PARD3B: variants seen among roughly 807,000 people sequenced by gnomAD.
PARD3B encodes partitioning defective 3 homolog B.
In PARD3B, 103 loss-of-function variants were observed where a neutral mutation model predicts 130.2. The ratio of observed to expected loss-of-function variants is 0.79; its 90% confidence interval spans 0.67 to 0.93. PARD3B has a LOEUF of 0.93. PARD3B is among the 40% of genes least tolerant of loss of function. PARD3B has a pLI of 0.00. For missense variants in PARD3B, 1,609 were observed against 1,499.2 expected (o/e 1.07, Z -1.21); for synonymous variants, 583 against 553.2 (o/e 1.05, Z -0.76).
At chr2:205,395,674 A>AAG (rs2046003271) in intron 18 of PARD3B, among the ~76,000 whole-genome samples, 1 of 152,026 alleles carries the variant, frequency 6.6e-6, no homozygotes, top group Admixed American at 6.6e-5. Context: ...CTCAATGGCC[A>AAG]CTTCTCTAGT....
chr2:205,449,933 G>C (rs937685084), intron 20 of PARD3B, among the ~76,000 whole-genome samples: 1 of 152,166 alleles, frequency 6.6e-6, no homozygotes, highest in Non-Finnish European at 1.5e-5. Context: ...GTGTATGTGG[G>C]ATATGTTGTA....
chr2:205,185,112 ATTC>A (rs1323365787), intron 13 of PARD3B, among the ~76,000 whole-genome samples: 5 of 152,220 alleles, frequency 3.3e-5, no homozygotes, highest in African/African-American at 1.2e-4. Context: ...ATACATGTCT[ATTC>A]TTATAGTACA....
At chr2:204,854,352 C>T (rs2044832838) in intron 2 of PARD3B, among the ~76,000 whole-genome samples, 1 of 152,058 alleles carries the variant, frequency 6.6e-6, no homozygotes, top group African/African-American at 2.4e-5. Flanking sequence ...GAGGGCATTC[C>T]ATGCTAAAAG....
rs1342420108 is a variant in PARD3B at position 205,563,517 on chromosome 2, A to G, written c.3260+10114A>G. On this transcript the variant is annotated intron_variant, in intron 22 of 22. Transcript: ENST00000406610. The surrounding 1 kb of genome is among the most constrained non-coding windows in gnomAD (Gnocchi z 4.2). Reference sequence around the variant, plus strand: ...GTCAAGGAGAGGTTGGAATGCTTACATCATCTGTTTTCATAAGTAATGTGA... The same window carrying G: ...GTCAAGGAGAGGTTGGAATGCTTACGTCATCTGTTTTCATAAGTAATGTGA... 1.3e-5 allele frequency among the ~76,000 whole-genome samples: 2 copies of G among 152,304 alleles called. No homozygotes were observed. Among genetic ancestry groups the G allele is most frequent in the East Asian group, 3.9e-4 (2 of 5,170 alleles).
chr2:205,175,570 G>A (rs766707156), intron 12 of PARD3B, among the ~76,000 whole-genome samples: 2 of 152,186 alleles, frequency 1.3e-5, no homozygotes, highest in Non-Finnish European at 2.9e-5. Context: ...AGAGCTCTGG[G>A]AATCAGATGG....
rs1437616937 is a variant in PARD3B at position 205,240,386 on chromosome 2, G to C, written c.2141-5392G>C. Among the ~76,000 whole-genome samples the C allele has an allele frequency of 3.3e-5, 5 of 152,018 alleles. No homozygotes were observed. In the East Asian group the frequency reaches 9.6e-4, roughly 29 times the overall value. ...TCATTAGAAGATGTATTTTTATTGTGCCAAACATCAACTTCAAAATTGCAG... is the reference window on the plus strand; with the variant it reads ...TCATTAGAAGATGTATTTTTATTGTCCCAAACATCAACTTCAAAATTGCAG... On this transcript the variant is annotated intron_variant, in intron 15 of 22. Coordinates refer to ENST00000406610, the MANE Select transcript of PARD3B (RefSeq NM_001302769.2).
intron 19 of PARD3B, among the ~76,000 whole-genome samples, chr2:205,406,871 A>T (rs919125210): frequency 1.3e-5 from 2 of 151,858 alleles, no homozygotes; most frequent in African/African-American, 4.8e-5. Flanking sequence ...GGGTTTCATC[A>T]TGTTGGCCAG....
rs1029891654 is a variant in PARD3B at position 205,591,926 on chromosome 2, C to T, written c.3261-23530C>T. ...GGCATCAGGATGGTCCAGCAGGGAACGAAGACACCCAGGCATGGACATTAA... is the reference window on the plus strand; with the variant it reads ...GGCATCAGGATGGTCCAGCAGGGAATGAAGACACCCAGGCATGGACATTAA... On this transcript the variant is annotated intron_variant, in intron 22 of 22. Coordinates refer to ENST00000406610, the MANE Select transcript of PARD3B (RefSeq NM_001302769.2). The surrounding 1 kb of genome is among the most constrained non-coding windows in gnomAD (Gnocchi z 4.2). 1.6e-4 allele frequency among the ~76,000 whole-genome samples: 24 copies of T among 152,154 alleles called. No homozygotes were observed. Among genetic ancestry groups the T allele is most frequent in the Admixed American group, 1.3e-3 (20 of 15,276 alleles).
At chr2:205,597,983 A>G (rs1429430029) in intron 22 of PARD3B, among the ~76,000 whole-genome samples, 1 of 152,198 alleles carries the variant, frequency 6.6e-6, no homozygotes, top group Non-Finnish European at 1.5e-5. Flanking sequence ...TGGAAACAAA[A>G]GAATGATGCC....
chr2:205,466,091 G>A (rs1414980228), intron 20 of PARD3B, among the ~76,000 whole-genome samples: 1 of 152,174 alleles, frequency 6.6e-6, no homozygotes, highest in African/African-American at 2.4e-5. Flanking sequence ...CCAGGGGTCT[G>A]GGATGGGGCC....
At chr2:205,384,138 T>A (rs2105956286) in intron 18 of PARD3B, among the ~76,000 whole-genome samples, 1 of 152,226 alleles carries the variant, frequency 6.6e-6, no homozygotes, top group African/African-American at 2.4e-5. Context: ...CAACCCTTAA[T>A]TATTTTTGGT....
chr2:205,180,821 G>A (rs958091695), intron 13 of PARD3B, among the ~76,000 whole-genome samples: 1 of 152,088 alleles, frequency 6.6e-6, no homozygotes, highest in African/African-American at 2.4e-5. Context: ...TAGCAATGCC[G>A]GTAGTGAAAT....
intron 2 of PARD3B, among the ~76,000 whole-genome samples, chr2:204,949,348 C>G (rs953238502): frequency 2.0e-5 from 3 of 151,842 alleles, no homozygotes; most frequent in African/African-American, 7.3e-5. Context: ...GACAGGGTCT[C>G]TCTCTGTCAT....
At chr2:204,710,862 A>C (rs954817998) in intron 2 of PARD3B, among the ~76,000 whole-genome samples, 2 of 152,176 alleles carry the variant, frequency 1.3e-5, no homozygotes, top group African/African-American at 4.8e-5. Context: ...TCTTAAGCTG[A>C]AAAGTAATAG....
intron 3 of PARD3B, among the ~76,000 whole-genome samples, chr2:205,023,606 A>G (rs1352250735): frequency 1.6e-5 from 2 of 128,656 alleles, no homozygotes; most frequent in African/African-American, 3.0e-5. Flanking sequence ...CGCAGTTCCC[A>G]AGGACCCTAA....
intron 2 of PARD3B, among the ~76,000 whole-genome samples, chr2:204,867,908 C>T (rs1419636408): frequency 1.3e-5 from 2 of 152,158 alleles, no homozygotes; most frequent in Non-Finnish European, 2.9e-5. Context: ...AACTGACTAA[C>T]CTACACCTTC....
At chr2:205,199,794 C>T (rs143978094) in intron 15 of PARD3B, among the ~76,000 whole-genome samples, 16 of 152,140 alleles carry the variant, frequency 1.1e-4, no homozygotes, top group East Asian at 1.9e-4. Context: ...AATTTACATC[C>T]CTGTGCACTA....
At chr2:205,490,214 T>C (rs371549695) in intron 20 of PARD3B, among the ~76,000 whole-genome samples, 61,655 of 151,394 alleles carry the variant, frequency 0.41, 13,003 homozygotes, top group Admixed American at 0.5. Context: ...CTGCACCCGT[T>C]AACTCGTCAT....
At chr2:205,110,611 A>T (rs1342357697) in intron 5 of PARD3B, among the ~76,000 whole-genome samples, 1 of 149,094 alleles carries the variant, frequency 6.7e-6, no homozygotes, top group East Asian at 2.0e-4. Context: ...CTTTTATCTC[A>T]CACAGTTTAT....
Sources: allele counts gnomAD v4.1 joint callset (sites outside exome capture counted in the v4.1 genomes callset), GRCh38; gene constraint gnomAD v4.1.1; non-coding constraint Gnocchi (gnomAD v3.1); transcripts MANE v1.5; gene names NCBI Gene and HGNC (gene_info 2026-07-23, HGNC 2026-07-21).